PHLDB2: variants seen among roughly 807,000 people sequenced by gnomAD.
PHLDB2 encodes pleckstrin homology-like domain family B member 2.
A neutral mutation model predicts 123.6 loss-of-function variants in PHLDB2; 71 were observed. The observed-to-expected ratio is 0.57, with a 90% CI of 0.47 to 0.70. PHLDB2 has a LOEUF of 0.70. Ranked by LOEUF, PHLDB2 falls within the 30% of genes least tolerant of loss-of-function variation. The probability of loss-of-function intolerance (pLI) is 0.00; values close to 1 mark genes in which losing one functional copy is unlikely to be tolerated. For synonymous variants in PHLDB2, 547 were observed against 541.6 expected, an observed-to-expected ratio of 1.01 and a Z score of -0.14; for missense variants, 1,446 against 1,519.5, an observed-to-expected ratio of 0.95 and a Z score of 0.80.
intron 1 of PHLDB2, among the ~76,000 whole-genome samples, chr3:111,862,690 T>C (rs537098755): frequency 5.3e-5 from 8 of 152,300 alleles, no homozygotes; most frequent in Admixed American, 2.0e-4. Flanking sequence ...ACCCTTATCA[T>C]AGAAGCCGTT....
chr3:111,829,533 A>T (rs1313662827), intron 1 of PHLDB2, among the ~76,000 whole-genome samples: 4 of 137,716 alleles, frequency 2.9e-5, no homozygotes, highest in Non-Finnish European at 4.5e-5. Context: ...GTATGATCTC[A>T]GCTCACTGCA....
At chr3:111,934,947 C>T (rs925392183) in intron 6 of PHLDB2, among the ~76,000 whole-genome samples, 1 of 152,002 alleles carries the variant, frequency 6.6e-6, no homozygotes, top group African/African-American at 2.4e-5. Flanking sequence ...TTGTAGATAT[C>T]ACTGGATAAA....
chr3:111,943,748 G>T (rs927090357), intron 8 of PHLDB2, among the ~76,000 whole-genome samples: 11 of 152,116 alleles, frequency 7.2e-5, no homozygotes, highest in African/African-American at 2.7e-4. Context: ...ATGTTGACAA[G>T]AATATGAAGC....
Position 111,814,154 on chromosome 3 carries a change from A to C in PHLDB2, c.-48-31667A>C, listed in dbSNP as rs995945129. On this transcript the variant is annotated intron_variant, in intron 1 of 17. Coordinates refer to the PHLDB2 transcript ENST00000393923. ...ATACTGAGTGGATTGAAGGATACAA[A>C]GTACTGATCTTGGGTGTGTCTGTGA... Among the ~76,000 whole-genome samples, 3 of 152,222 alleles carry C rather than the reference A, an allele frequency of 2.0e-5. No homozygotes were observed. In the East Asian group the frequency reaches 5.8e-4, roughly 29 times the overall value.
At chr3:111,844,381 C>T (rs1162831160) in intron 1 of PHLDB2, among the ~76,000 whole-genome samples, 8 of 152,222 alleles carry the variant, frequency 5.3e-5, no homozygotes, top group Non-Finnish European at 1.0e-4. Flanking sequence ...CCTCACCCCA[C>T]ATCTGTTCTA....
chr3:111,918,879 G>T lies in PHLDB2; in HGVS notation c.1720-193G>T, dbSNP rs550297214. ...TTGGTTTGTCTCAACTCTCCTGAGA[G>T]CCTAACTGCCAAGGATGGCATCATG... On this transcript the variant is annotated intron_variant, in intron 3 of 17. Coordinates refer to ENST00000431670, the MANE Select transcript of PHLDB2 (RefSeq NM_001134438.2). 2.6e-5 allele frequency among the ~76,000 whole-genome samples: 4 copies of T among 152,332 alleles called. No homozygotes were observed. In the South Asian group the frequency reaches 8.3e-4, roughly 32 times the overall value.
At chr3:111,876,597 T>G (rs1215679242) in intron 1 of PHLDB2, among the ~76,000 whole-genome samples, 1 of 152,106 alleles carries the variant, frequency 6.6e-6, no homozygotes, top group Non-Finnish European at 1.5e-5. Context: ...ATACTTTAAG[T>G]TCTGGGGTAC....
chr3:111,743,387 AG>A (rs2107934304), intron 1 of PHLDB2, among the ~76,000 whole-genome samples: 2 of 152,334 alleles, frequency 1.3e-5, no homozygotes, highest in African/African-American at 4.8e-5. Flanking sequence ...TGTGCAGTCC[AG>A]GGCTCGCATG....
intron 6 of PHLDB2, among the ~76,000 whole-genome samples, chr3:111,938,011 A>T (rs897570438): frequency 6.6e-6 from 1 of 152,136 alleles, no homozygotes; most frequent in Non-Finnish European, 1.5e-5. Context: ...TCTGATTTTC[A>T]TAATTTCTGA....
intron 1 of PHLDB2, among the ~76,000 whole-genome samples, chr3:111,750,462 A>G (rs941554607): frequency 6.6e-6 from 1 of 152,190 alleles, no homozygotes; most frequent in African/African-American, 2.4e-5. Flanking sequence ...ACATGGCTGC[A>G]ATGCAAGTTT....
intron 1 of PHLDB2, among the ~76,000 whole-genome samples, chr3:111,873,860 CT>C (rs2065463842): frequency 6.6e-6 from 1 of 152,080 alleles, no homozygotes; most frequent in South Asian, 2.1e-4. Flanking sequence ...AGGCATGCTG[CT>C]TGGACCCAGG....
chr3:111,935,420 A>G (rs552797713), intron 6 of PHLDB2, among the ~76,000 whole-genome samples: 4 of 152,270 alleles, frequency 2.6e-5, no homozygotes, highest in Admixed American at 6.5e-5. Context: ...TATGGGCTGC[A>G]ATATCCTCAT....
chr3:111,799,554 G>T (rs897192352), intron 1 of PHLDB2, among the ~76,000 whole-genome samples: 1 of 152,058 alleles, frequency 6.6e-6, no homozygotes, highest in Non-Finnish European at 1.5e-5. Flanking sequence ...TCAGAAAAAA[G>T]AAATTCTAAA....
rs1559806081 is a variant in PHLDB2, at chr3:111,739,587, ACAAAACAAAC to A, written c.-49+6885_-49+6894del. Among the ~76,000 whole-genome samples, 13 of 108,794 alleles carry A rather than the reference ACAAAACAAAC, an allele frequency of 1.2e-4. 4 individuals are homozygous for A. The highest frequency in any genetic ancestry group is 2.2e-4 in the Non-Finnish European group (11 of 49,680). 71.4% of individuals were successfully genotyped at this position (108,794 alleles called of 152,430 possible). A position where few individuals can be genotyped will look rare whatever the true frequency, so the allele number is the denominator to read the frequency against. On this transcript the variant is annotated intron_variant, in intron 1 of 17. Transcript: ENST00000393923. Reference sequence around the variant, plus strand: ...TCTTCTGAAGTTAAAAAAAAAAAAAACAAAACAAACAAAAAAAAAAAACAATGGTCACAGG... The same window carrying A: ...TCTTCTGAAGTTAAAAAAAAAAAAAAAAAAAAAAAAAACAATGGTCACAGG...
intron 7 of PHLDB2, among the ~76,000 whole-genome samples, 169 bp downstream of exon 7, chr3:111,939,799 C>A (rs1173542015): frequency 1.3e-5 from 2 of 152,210 alleles, no homozygotes; most frequent in African/African-American, 4.8e-5. Flanking sequence ...ACAGTTGTTA[C>A]ATAATGCTGT....
At position 111,884,971 on chromosome 3, in the gene PHLDB2, T is replaced by G. The variant is rs1315470349; in HGVS notation, c.894T>G (p.Asn298Lys). The change falls in exon 2 of 18, where the codon AAT becomes AAG. Residue 298 changes from asparagine (N) to lysine (K), a missense_variant. This residue lies in a region of PHLDB2 where 832 missense variants were observed against 831.9 expected (regional missense o/e 1.00). Coordinates refer to ENST00000431670, the MANE Select transcript of PHLDB2 (RefSeq NM_001134438.2). ...ATCTACCTCATAGCGTAATAGACAATGACAATTACCTTAATTTTTCTTCTT... is the reference window on the plus strand; with the variant it reads ...ATCTACCTCATAGCGTAATAGACAAGGACAATTACCTTAATTTTTCTTCTT... ...EKDLPHSVID[N>K]DNYLNFSSLS... The G allele has an allele frequency of 6.2e-7, 1 of 1,614,050 alleles. No homozygotes were observed. The highest frequency in any genetic ancestry group is 8.5e-7 in the Non-Finnish European group (1 of 1,180,004).
rs1034345753 is a variant in PHLDB2 at position 111,975,916 on chromosome 3, C to G, written c.*1353C>G. 3 of 152,550 alleles carry G rather than the reference C, an allele frequency of 2.0e-5. No individual in the cohort carries two copies. The highest frequency in any genetic ancestry group is 4.4e-5 in the Non-Finnish European group (3 of 68,018). 9.4% of individuals were successfully genotyped at this position (152,550 alleles called of 1,614,324 possible). A position where few individuals can be genotyped will look rare whatever the true frequency, so the allele number is the denominator to read the frequency against. On this transcript the variant is annotated 3_prime_UTR_variant, in exon 18 of 18. Transcript: ENST00000431670. Reference sequence around the variant, plus strand: ...TGGGTACAATTCTTTTGTTAATTTGCAGTGTGGTTTGTATACACGTATACG... The same window carrying G: ...TGGGTACAATTCTTTTGTTAATTTGGAGTGTGGTTTGTATACACGTATACG...
intron 1 of PHLDB2, among the ~76,000 whole-genome samples, chr3:111,872,261 T>A (rs2065375554): frequency 6.6e-6 from 1 of 152,150 alleles, no homozygotes; most frequent in Non-Finnish European, 1.5e-5. Context: ...AATGCAGGGA[T>A]CATATAGTTT....
chr3:111,964,260 A>G (rs2071603983), intron 13 of PHLDB2, among the ~76,000 whole-genome samples: 2 of 150,142 alleles, frequency 1.3e-5, no homozygotes, highest in South Asian at 4.3e-4. Context: ...GTGCTATCAT[A>G]GAATTAAGGG....
Sources: allele counts gnomAD v4.1 joint callset (sites outside exome capture counted in the v4.1 genomes callset), GRCh38; gene constraint gnomAD v4.1.1; regional missense constraint gnomAD v4.1.1; transcripts MANE v1.5; gene names NCBI Gene and HGNC (gene_info 2026-07-23, HGNC 2026-07-21).